The following HSPA4 variants were observed in gnomAD, a reference collection of about 807,000 sequenced individuals.
The protein encoded by HSPA4 is heat shock 70 kDa protein 4.
HSPA4 carries 25 observed loss-of-function variants against 106.2 expected under a neutral mutation model. The observed-to-expected ratio is 0.24, with a 90% CI of 0.17 to 0.33. HSPA4 has a LOEUF of 0.33. Ranked by LOEUF, HSPA4 falls within the 10% of genes least tolerant of loss-of-function variation. The pLI is 1.00. For missense variants in HSPA4, 841 were observed against 996.0 expected, an observed-to-expected ratio of 0.84 and a Z score of 2.10; for synonymous variants, 332 against 333.6, an observed-to-expected ratio of 1.00 and a Z score of 0.05.
intron 7 of HSPA4, among the ~76,000 whole-genome samples, chr5:133,077,391 C>T (rs1215532410): frequency 6.6e-6 from 1 of 152,176 alleles, no homozygotes; most frequent in African/African-American, 2.4e-5. Flanking sequence ...GTGCCTGCCA[C>T]CACGCCCAGC....
chr5:133,093,560 G>C (rs535418260), intron 13 of HSPA4, among the ~76,000 whole-genome samples: 1 of 151,818 alleles, frequency 6.6e-6, no homozygotes, highest in South Asian at 2.1e-4. Context: ...GCATGATCTC[G>C]GCTCACTGCA....
At chr5:133,083,536 T>A (rs1008555547) in intron 7 of HSPA4, among the ~76,000 whole-genome samples, 11 of 152,100 alleles carry the variant, frequency 7.2e-5, no homozygotes, top group African/African-American at 1.7e-4. Context: ...TTTTAATTTT[T>A]TTATTATTAT....
rs756155275 is a variant in HSPA4, at chr5:133,076,701, T to A, written c.711T>A (p.Asp237Glu). The A allele has an allele frequency of 5.6e-6, 9 of 1,613,022 alleles. No homozygotes were observed. In the South Asian group the frequency reaches 9.9e-5, roughly 18 times the overall value. Residue 237 changes from aspartate (D) to glutamate (E), a missense_variant, in exon 7 of 19, where the codon GAT becomes GAA. Coordinates refer to ENST00000304858, the MANE Select transcript of HSPA4 (RefSeq NM_002154.4). ...CGACATTGGGAGGTAGAAAATTTGA[T>A]GAAGTGTTAGTAAATCACTTCTGTG... is the stretch of plus-strand genomic sequence containing the variant. ...FDTTLGGRKF[D>E]EVLVNHFCEE...
chr5:133,102,668 A>C (rs766539770), intron 17 of HSPA4, among the ~76,000 whole-genome samples: 1 of 152,190 alleles, frequency 6.6e-6, no homozygotes, highest in Non-Finnish European at 1.5e-5. Flanking sequence ...ATTATACCCC[A>C]GGTTCTTGAC....
rs1362945930 is a variant in HSPA4 at position 133,089,682 on chromosome 5, A to G, written c.1365A>G (p.Pro455=). 3 of 1,597,830 alleles carry G rather than the reference A, an allele frequency of 1.9e-6. No individual in the cohort carries two copies. In the South Asian group the frequency reaches 3.4e-5, roughly 18 times the overall value. The part of the protein sequence containing the change: ...YYSSPQDLPY[P]DPAIAQFSVQ... ...GCTCTCCTCAGGATTTGCCCTATCC[A>G]GATCCTGCTATAGGTAAGTAAAGAG... Residue 455 remains proline, a synonymous_variant, in exon 11 of 19, where the codon CCA becomes CCG. Coordinates refer to ENST00000304858, the MANE Select transcript of HSPA4 (RefSeq NM_002154.4).
chr5:133,057,589 A>G (rs914812423), intron 1 of HSPA4, among the ~76,000 whole-genome samples: 1 of 152,218 alleles, frequency 6.6e-6, no homozygotes, highest in East Asian at 1.9e-4. Context: ...AGCTGTTCAT[A>G]ATATCCTCTC....
In HSPA4 at chr5:133,052,223, G is replaced by GGCCCGA. The variant is rs749764197; in HGVS notation, c.-19_-14dup. The GGCCCGA allele has an allele frequency of 4.0e-6, 6 of 1,512,448 alleles. No homozygotes were observed. Among genetic ancestry groups the GGCCCGA allele is most frequent in the East Asian group, 2.4e-5 (1 of 41,516 alleles). The allele number at this position is 1,512,448 out of a possible 1,614,324, so 93.7% of individuals were successfully genotyped here. A position where few individuals can be genotyped will look rare whatever the true frequency, so the allele number is the denominator to read the frequency against. On this transcript the variant is annotated 5_prime_UTR_variant, in exon 1 of 19. Transcript: ENST00000304858. Reference sequence around the variant, plus strand: ...TGTCCTGTCTCGGTGGCCGGACCCGGGCCCGAGCCCGAGCAGTAGCCGGCG... The same window carrying GGCCCGA: ...TGTCCTGTCTCGGTGGCCGGACCCGGGCCCGAGCCCGAGCCCGAGCAGTAGCCGGCG...
intron 17 of HSPA4, 94 bp from the exon 18 acceptor site, chr5:133,103,771 A>T: frequency 1.0e-6 from 1 of 1,000,226 alleles, no homozygotes; most frequent in Non-Finnish European, 1.5e-6. Flanking sequence ...TTGAAAGATT[A>T]TAAGTTTTTG....
Position 133,106,102 on chromosome 5 carries a change from A to AATTTTT in HSPA4, c.*1666_*1667insATTTTT, listed in dbSNP as rs1765855596. Reference sequence around the variant, plus strand: ...GCCATTTCTTCTTAAAAAAAAAAAAATTTTTTTTTTTTTTTTTTTTTTTTT... The same window carrying AATTTTT: ...GCCATTTCTTCTTAAAAAAAAAAAAAATTTTTTTTTTTTTTTTTTTTTTTTTTTTTT... On this transcript the variant is annotated 3_prime_UTR_variant, in exon 19 of 19. Transcript: ENST00000304858. 3 of 57,162 alleles carry AATTTTT rather than the reference A, an allele frequency of 5.2e-5. No individual in the cohort carries two copies. Among genetic ancestry groups the AATTTTT allele is most frequent in the African/African-American group, 1.5e-4 (2 of 13,510 alleles). 3.5% of individuals were successfully genotyped at this position (57,162 alleles called of 1,614,324 possible).
intron 5 of HSPA4, 122 bp downstream of exon 5, chr5:133,073,451 T>C: frequency 1.5e-6 from 1 of 647,046 alleles, no homozygotes; most frequent in South Asian, 1.9e-5. Flanking sequence ...CTTACCACTG[T>C]GGTCATGGTG....
Position 133,059,229 on chromosome 5 carries a change from C to T in HSPA4, c.108-5751C>T, listed in dbSNP as rs1202498573. Among the ~76,000 whole-genome samples the T allele has an allele frequency of 3.3e-5, 5 of 151,846 alleles. No homozygotes were observed. The East Asian group carries it at 7.8e-4, about 24-fold the overall frequency. ...TCGGGAGGCCAAGGCGGGCGGTTCG[C>T]CTGAGGTCAGGAGTTTGAGACCAGC... On this transcript the variant is annotated intron_variant, in intron 1 of 18. Transcript: ENST00000304858.
chr5:133,058,430 C>T (rs954952927), intron 1 of HSPA4, among the ~76,000 whole-genome samples: 5 of 152,202 alleles, frequency 3.3e-5, no homozygotes, highest in Non-Finnish European at 5.9e-5. Flanking sequence ...GTAATCTCAG[C>T]ACTTGAAGAG....
At chr5:133,076,507 A>T (rs1234506079) in intron 6 of HSPA4, 147 bp from the exon 7 acceptor site, 1 of 658,838 alleles carries the variant, frequency 1.5e-6, no homozygotes, top group Admixed American at 2.9e-5. Flanking sequence ...GGTAATAAGG[A>T]TTAAATGATG....
chr5:133,059,310 T>TG (rs1414898854), intron 1 of HSPA4, among the ~76,000 whole-genome samples: 1 of 151,102 alleles, frequency 6.6e-6, no homozygotes, highest in African/African-American at 2.4e-5. Flanking sequence ...TAGCTGGGTG[T>TG]GGTGGCAGGT....
At chr5:133,056,509 G>T (rs1188113312) in intron 1 of HSPA4, among the ~76,000 whole-genome samples, 1 of 152,184 alleles carries the variant, frequency 6.6e-6, no homozygotes, top group Non-Finnish European at 1.5e-5. Flanking sequence ...GGTCTCAAGT[G>T]ATCCGCCCGC....
Position 133,101,843 on chromosome 5 carries a change from CAG to C in HSPA4, c.2123_2124del (p.Gln708LeufsTer16). On this transcript the variant is annotated frameshift_variant, in exon 17 of 19. Transcript: ENST00000304858. LOFTEE classifies it high-confidence loss of function. Reference sequence around the variant, plus strand: ...TGAAGAACTAGGGAAACAGATCCAACAGTATATGAAAATAATCAGCTCTTTCA... The same window carrying C: ...TGAAGAACTAGGGAAACAGATCCAACTATATGAAAATAATCAGCTCTTTCA... Reference protein sequence around the residue: ...LFEELGKQIQQYMKIISSFKN... With the variant: ...LFEELGKQIQXYMKIISSFKN... 6.3e-7 allele frequency: 1 copy of C among 1,593,994 alleles called. No individual in the cohort carries two copies. Among genetic ancestry groups the C allele is most frequent in the Non-Finnish European group, 8.6e-7 (1 of 1,165,744 alleles).
rs1765710412 is a variant in HSPA4 at position 133,096,229 on chromosome 5, C to T, written c.1782C>T (p.Leu594=). Reference sequence around the variant, plus strand: ...TATGGCAGATAGACAGAGAGATGCTCAACTTGTACATTGAAAATGAGGTTG... The same window carrying T: ...TATGGCAGATAGACAGAGAGATGCTTAACTTGTACATTGAAAATGAGGTTG... ...QLLWQIDREM[L]NLYIENEGKM... Residue 594 remains leucine (L), a synonymous_variant, in exon 14 of 19, where the codon CTC becomes CTT. Transcript: ENST00000304858. The T allele has an allele frequency of 1.2e-6, 2 of 1,613,470 alleles. No homozygotes were observed. The highest frequency in any genetic ancestry group is 2.2e-5 in the East Asian group (1 of 44,854).
At chr5:133,061,113 G>A (rs1423013262) in intron 1 of HSPA4, among the ~76,000 whole-genome samples, 2 of 149,848 alleles carry the variant, frequency 1.3e-5, no homozygotes, top group Non-Finnish European at 3.0e-5. Flanking sequence ...GTGCATACAT[G>A]TGTTTTCTTT....
At chr5:133,055,137 A>G (rs752239993) in intron 1 of HSPA4, among the ~76,000 whole-genome samples, 2 of 152,262 alleles carry the variant, frequency 1.3e-5, no homozygotes, top group South Asian at 4.1e-4. Flanking sequence ...AGAAAATTCC[A>G]TTTAAATAAT....
Sources: gnomAD v4.1 joint callset for allele counts (sites outside exome capture counted in the v4.1 genomes callset) on GRCh38, gnomAD v4.1.1 for gene constraint, MANE v1.5 for transcripts, NCBI Gene and HGNC (gene_info 2026-07-23, HGNC 2026-07-21) for gene names.